ERC1: variants seen among roughly 807,000 people sequenced by gnomAD.
ERC1 encodes the protein ELKS/RAB6-interacting/CAST family member 1, also known as RAB6 interacting protein 2.
Under a neutral mutation model 132.0 loss-of-function variants are expected in ERC1, and 56 were observed. That is an observed-to-expected ratio of 0.42 (90% CI 0.34 to 0.53). The LOEUF (loss-of-function observed/expected upper bound fraction) is 0.53. Ranked by LOEUF, ERC1 falls within the 20% of genes least tolerant of loss-of-function variation. The probability of loss-of-function intolerance (pLI) is 0.03; values close to 1 mark genes in which losing one functional copy is unlikely to be tolerated. For missense variants in ERC1, 1,202 were observed against 1,349.9 expected, an observed-to-expected ratio of 0.89 and a Z score of 1.72; for synonymous variants, 478 against 476.1, an observed-to-expected ratio of 1.00 and a Z score of -0.05.
At chr12:1,046,656 T>C (rs778321092) in intron 2 of ERC1, among the ~76,000 whole-genome samples, 7 of 152,180 alleles carry the variant, frequency 4.6e-5, no homozygotes, top group Non-Finnish European at 5.9e-5. Flanking sequence ...TAAATAATAA[T>C]AGCTAACACT....
chr12:1,103,830 G>A (rs142253220), intron 3 of ERC1, among the ~76,000 whole-genome samples: 1 of 152,280 alleles, frequency 6.6e-6, no homozygotes, highest in East Asian at 1.9e-4. Flanking sequence ...GAGTCATCAC[G>A]CTTGGTCAGG....
intron 7 of ERC1, among the ~76,000 whole-genome samples, chr12:1,130,620 G>A (rs1007143656): frequency 4.0e-5 from 5 of 125,572 alleles, no homozygotes; most frequent in African/African-American, 1.4e-4. Flanking sequence ...ATAAATTTGC[G>A]AAACGTATAG....
At chr12:1,352,644 T>C (rs575390143) in intron 15 of ERC1, among the ~76,000 whole-genome samples, 2 of 150,982 alleles carry the variant, frequency 1.3e-5, no homozygotes, top group Admixed American at 1.3e-4. Context: ...CTTGTCCTCA[T>C]TGACCTTCGG....
chr12:1,446,461 C>G (rs2093306456), intron 18 of ERC1, among the ~76,000 whole-genome samples: 1 of 152,162 alleles, frequency 6.6e-6, no homozygotes. Context: ...CAACAGAAGG[C>G]TAAAGAAAGG....
chr12:1,427,658 C>G (rs1222706041), intron 17 of ERC1, among the ~76,000 whole-genome samples: 5 of 152,104 alleles, frequency 3.3e-5, no homozygotes, highest in Admixed American at 3.3e-4. Flanking sequence ...TAATTTGAAT[C>G]CAGCGTGGTG....
chr12:1,309,185 C>T (rs147181902), intron 15 of ERC1, among the ~76,000 whole-genome samples: 34 of 152,348 alleles, frequency 2.2e-4, no homozygotes, highest in African/African-American at 8.2e-4. Flanking sequence ...GACTAAGATA[C>T]ACCGCAACCA....
intron 18 of ERC1, among the ~76,000 whole-genome samples, chr12:1,472,405 T>G (rs2093880841): frequency 6.6e-6 from 1 of 152,118 alleles, no homozygotes; most frequent in African/African-American, 2.4e-5. Context: ...TCCCAGCACT[T>G]TGGGAAGCCA....
intron 18 of ERC1, among the ~76,000 whole-genome samples, chr12:1,460,207 A>G (rs1398995760): frequency 6.6e-6 from 1 of 152,228 alleles, no homozygotes; most frequent in Non-Finnish European, 1.5e-5. Context: ...TTTCTGGTAT[A>G]AGATGTTCTT....
chr12:1,048,183 C>G (rs550123739), intron 2 of ERC1, among the ~76,000 whole-genome samples: 18 of 152,208 alleles, frequency 1.2e-4, no homozygotes, highest in Non-Finnish European at 1.9e-4. Context: ...TATGTTGTTG[C>G]TCTTCCCAGT....
chr12:1,173,821 C>T (rs977682996), intron 8 of ERC1, among the ~76,000 whole-genome samples: 6 of 152,336 alleles, frequency 3.9e-5, no homozygotes, highest in South Asian at 2.1e-4. Flanking sequence ...TTGATCACAA[C>T]GAAAGTGAGG....
intron 16 of ERC1, among the ~76,000 whole-genome samples, chr12:1,373,536 C>T (rs2087497198): frequency 6.6e-6 from 1 of 152,224 alleles, no homozygotes; most frequent in Admixed American, 6.5e-5. Context: ...AATCCCAGCA[C>T]TTTGGGAGGC....
chr12:1,196,905 TACACACAC>T (rs766381798), intron 12 of ERC1, among the ~76,000 whole-genome samples: 4,781 of 57,490 alleles, frequency 0.083, 406 homozygotes, highest in East Asian at 0.12. Context: ...TCTGTCTCTC[TACACACAC>T]ACACACACAC....
Position 1,494,723 on chromosome 12 carries a change from G to A in ERC1, c.*4493G>A, listed in dbSNP as rs2094345667. The A allele has an allele frequency of 4.3e-6, 1 of 231,178 alleles. No homozygotes were observed. Among genetic ancestry groups the A allele is most frequent in the Non-Finnish European group, 8.6e-6 (1 of 116,870 alleles). 14.3% of individuals were successfully genotyped at this position (231,178 alleles called of 1,614,324 possible). A position where few individuals can be genotyped will look rare whatever the true frequency, so the allele number is the denominator to read the frequency against. On this transcript the variant is annotated 3_prime_UTR_variant, in exon 19 of 19. Transcript: ENST00000360905. ...TCTTCTTTCTCTGCTTGTCGATATT[G>A]TCTGTGTGATTCAGAGAATTGGGGC...
chr12:1,449,158 C>T (rs995923799), intron 18 of ERC1, among the ~76,000 whole-genome samples: 6 of 152,206 alleles, frequency 3.9e-5, no homozygotes, highest in African/African-American at 7.2e-5. Flanking sequence ...TGCCTGTACC[C>T]TCATTGTATC....
chr12:1,380,222 T>C (rs2088478391), intron 16 of ERC1: 1 of 152,224 alleles, frequency 6.6e-6, no homozygotes, highest in African/African-American at 2.4e-5. Context: ...CTTTCACTCC[T>C]CTGCCTTCTT....
intron 15 of ERC1, among the ~76,000 whole-genome samples, chr12:1,320,925 T>A (rs974131791): frequency 1.3e-5 from 2 of 152,148 alleles, no homozygotes; most frequent in Non-Finnish European, 2.9e-5. Context: ...ATGGTCTTGA[T>A]CTCCTGACCT....
chr12:1,041,036 A>G (rs1384341601), intron 2 of ERC1, among the ~76,000 whole-genome samples: 1 of 152,204 alleles, frequency 6.6e-6, no homozygotes, highest in African/African-American at 2.4e-5. Context: ...TGTAAAAATT[A>G]TTAAGGACCC....
At chr12:1,143,525 G>C (rs1950054683) in intron 8 of ERC1, among the ~76,000 whole-genome samples, 1 of 149,810 alleles carries the variant, frequency 6.7e-6, no homozygotes, top group African/African-American at 2.4e-5. Context: ...TTGTGTTTTT[G>C]TGATATATGT....
At chr12:1,297,063 C>T (rs1322650597) in intron 15 of ERC1, among the ~76,000 whole-genome samples, 1 of 151,664 alleles carries the variant, frequency 6.6e-6, no homozygotes, top group African/African-American at 2.4e-5. Context: ...AGTCCAGTTG[C>T]TGGAAACAAA....
Sources: gnomAD v4.1 joint callset for allele counts (sites outside exome capture counted in the v4.1 genomes callset) on GRCh38, gnomAD v4.1.1 for gene constraint, MANE v1.5 for transcripts, NCBI Gene and HGNC (gene_info 2026-07-23, HGNC 2026-07-21) for gene names.